Variants in CDH6 observed in about 807,000 individuals in gnomAD.
CDH6 encodes cadherin-6.
CDH6 carries 31 observed loss-of-function variants against 78.0 expected under a neutral mutation model. That is an observed-to-expected ratio of 0.40 (90% confidence interval 0.30 to 0.54). The LOEUF (loss-of-function observed/expected upper bound fraction) is 0.54, where lower values mean the gene tolerates loss of function less well. Ranked by LOEUF, CDH6 falls within the 20% of genes least tolerant of loss-of-function variation. The pLI is 0.56. For missense variants in CDH6, 724 were observed against 975.9 expected, an observed-to-expected ratio of 0.74 and a Z score of 3.44; for synonymous variants, 376 against 368.8, an observed-to-expected ratio of 1.02 and a Z score of -0.23.
rs2149963474 is a variant in CDH6, at chr5:31,325,572, TA to T, written c.*2269del. 4.3e-6 allele frequency: 1 copy of T among 230,948 alleles called. No individual in the cohort carries two copies. Among genetic ancestry groups the T allele is most frequent in the East Asian group, 6.2e-5 (1 of 16,212 alleles). 14.3% of individuals were successfully genotyped at this position (230,948 alleles called of 1,614,324 possible). A position where few individuals can be genotyped will look rare whatever the true frequency, so the allele number is the denominator to read the frequency against. Reference sequence around the variant, plus strand: ...AATTGAATCAAGGAAGATAGTCCTGTAAAAAGAAAGGTATCATCTGAAGTTG... The same window carrying T: ...AATTGAATCAAGGAAGATAGTCCTGTAAAAGAAAGGTATCATCTGAAGTTG... On this transcript the variant is annotated 3_prime_UTR_variant, in exon 12 of 12. Coordinates refer to ENST00000265071, the MANE Select transcript of CDH6 (RefSeq NM_004932.4).
At chr5:31,308,653 T>C (rs946894162) in intron 7 of CDH6, among the ~76,000 whole-genome samples, 1 of 152,258 alleles carries the variant, frequency 6.6e-6, no homozygotes, top group African/African-American at 2.4e-5. Flanking sequence ...TCTATTAATT[T>C]TTAAATGTCC....
intron 1 of CDH6, among the ~76,000 whole-genome samples, chr5:31,194,813 T>C (rs1195989677): frequency 6.6e-6 from 1 of 152,202 alleles, no homozygotes; most frequent in African/African-American, 2.4e-5. Flanking sequence ...TGTTGTGGAC[T>C]GCAGCAGTTG....
At chr5:31,260,271 G>A (rs752728824) in intron 1 of CDH6, among the ~76,000 whole-genome samples, 1 of 152,190 alleles carries the variant, frequency 6.6e-6, no homozygotes, top group African/African-American at 2.4e-5. Flanking sequence ...AAGAAACTGA[G>A]ACACAAATTG....
At chr5:31,199,399 T>G (rs1254334283) in intron 1 of CDH6, among the ~76,000 whole-genome samples, 9 of 149,298 alleles carry the variant, frequency 6.0e-5, no homozygotes, top group African/African-American at 2.2e-4. Context: ...TATGTATATA[T>G]GTACTTTACA....
chr5:31,307,546 A>G (rs1440077315), intron 7 of CDH6, among the ~76,000 whole-genome samples: 1 of 152,216 alleles, frequency 6.6e-6, no homozygotes, highest in Non-Finnish European at 1.5e-5. Context: ...TACATTTAAT[A>G]TTGTTAATAA....
At position 31,328,319 on chromosome 5, in the gene CDH6, A is replaced by T; in HGVS notation, c.*5011A>T. The stretch of plus-strand genomic sequence containing the variant: ...TAATGAGATCTTGGTCTTTCTTGTG[A>T]GGCTACGTTATTTATGTAAATATGT... On this transcript the variant is annotated 3_prime_UTR_variant, in exon 12 of 12. Coordinates refer to ENST00000265071, the MANE Select transcript of CDH6 (RefSeq NM_004932.4). 5.0e-6 allele frequency: 1 copy of T among 198,298 alleles called. No homozygotes were observed. The highest frequency in any genetic ancestry group is 1.0e-5 in the Non-Finnish European group (1 of 96,144). 12.3% of individuals were successfully genotyped at this position (198,298 alleles called of 1,614,324 possible). A position where few individuals can be genotyped will look rare whatever the true frequency, so the allele number is the denominator to read the frequency against.
At chr5:31,228,632 G>A (rs904085138) in intron 1 of CDH6, among the ~76,000 whole-genome samples, 10 of 152,204 alleles carry the variant, frequency 6.6e-5, no homozygotes, top group African/African-American at 2.4e-4. Context: ...GTTTCAGGAT[G>A]AAACTGTCCC....
At chr5:31,287,748 G>A (rs1206137222) in intron 2 of CDH6, among the ~76,000 whole-genome samples, 3 of 152,172 alleles carry the variant, frequency 2.0e-5, no homozygotes, top group African/African-American at 7.2e-5. Context: ...CAGCACTGGT[G>A]GGCATCCCCT....
intron 1 of CDH6, among the ~76,000 whole-genome samples, chr5:31,224,591 C>T (rs754796209): frequency 6.6e-6 from 1 of 152,174 alleles, no homozygotes; most frequent in Non-Finnish European, 1.5e-5. Context: ...CTCACTCTGT[C>T]ATCCAGGCTG....
At chr5:31,266,752 T>A (rs1417474600) in intron 1 of CDH6, among the ~76,000 whole-genome samples, 1 of 152,226 alleles carries the variant, frequency 6.6e-6, no homozygotes, top group Non-Finnish European at 1.5e-5. Flanking sequence ...CACTTTGATA[T>A]GCTAATCTGC....
rs1740346423 is a variant in CDH6 at position 31,201,430 on chromosome 5, A to G, written c.-129+7544A>G. ...ATCCATCTTTGAAATAAAAAAAATCATTGGTCAGTGGTTAGATATGAGAAA... is the reference window on the plus strand; with the variant it reads ...ATCCATCTTTGAAATAAAAAAAATCGTTGGTCAGTGGTTAGATATGAGAAA... On this transcript the variant is annotated intron_variant, in intron 1 of 11. Transcript: ENST00000265071. Among the ~76,000 whole-genome samples the G allele has an allele frequency of 1.3e-5, 2 of 152,182 alleles. 1 individual carries two copies. Among genetic ancestry groups the G allele is most frequent in the South Asian group, 4.1e-4 (2 of 4,828 alleles).
chr5:31,209,112 A>G (rs1278171414), intron 1 of CDH6, among the ~76,000 whole-genome samples: 2 of 152,192 alleles, frequency 1.3e-5, no homozygotes, highest in Non-Finnish European at 2.9e-5. Flanking sequence ...GTATATGGAG[A>G]ATTTTAAACT....
intron 1 of CDH6, among the ~76,000 whole-genome samples, chr5:31,243,916 T>C (rs911251543): frequency 2.6e-5 from 4 of 152,206 alleles, no homozygotes; most frequent in African/African-American, 9.7e-5. Flanking sequence ...TAAATACTAT[T>C]TTTAAAGGAA....
intron 1 of CDH6, among the ~76,000 whole-genome samples, chr5:31,260,185 C>T (rs1742175320): frequency 6.6e-6 from 1 of 152,186 alleles, no homozygotes; most frequent in Admixed American, 6.5e-5. Flanking sequence ...TAAGACCTCA[C>T]ATGAATTCAT....
rs548620365 is a variant in CDH6, at chr5:31,325,562, G to A, written c.*2254G>A. The stretch of plus-strand genomic sequence containing the variant: ...TCACGTAACAAATTGAATCAAGGAA[G>A]ATAGTCCTGTAAAAAGAAAGGTATC... On this transcript the variant is annotated 3_prime_UTR_variant, in exon 12 of 12. Coordinates refer to ENST00000265071, the MANE Select transcript of CDH6 (RefSeq NM_004932.4). 2 of 231,000 alleles carry A rather than the reference G, an allele frequency of 8.7e-6. No homozygotes were observed. Among genetic ancestry groups the A allele is most frequent in the Admixed American group, 1.1e-4 (2 of 17,726 alleles). 14.3% of individuals were successfully genotyped at this position (231,000 alleles called of 1,614,324 possible). A position where few individuals can be genotyped will look rare whatever the true frequency, so the allele number is the denominator to read the frequency against.
At chr5:31,245,897 C>CTTT (rs1741732746) in intron 1 of CDH6, among the ~76,000 whole-genome samples, 1 of 139,332 alleles carries the variant, frequency 7.2e-6, no homozygotes, top group African/African-American at 2.8e-5. Flanking sequence ...CTCTCTCTCT[C>CTTT]TCTTTTTTTT....
chr5:31,317,332 G>A, intron 9 of CDH6, 43 bp from the exon 10 acceptor site: 2 of 927,750 alleles, frequency 2.2e-6, no homozygotes, highest in Non-Finnish European at 3.4e-6. Context: ...AAACACTTTT[G>A]AGTTATCAAA....
chr5:31,241,976 G>A (rs1335856555), intron 1 of CDH6, among the ~76,000 whole-genome samples: 4 of 152,080 alleles, frequency 2.6e-5, no homozygotes, highest in Non-Finnish European at 1.5e-5. Context: ...AGCTACTCTT[G>A]GCCCCTATTG....
At chr5:31,194,408 A>G (rs747430718) in intron 1 of CDH6, among the ~76,000 whole-genome samples, 1 of 152,218 alleles carries the variant, frequency 6.6e-6, no homozygotes, top group Non-Finnish European at 1.5e-5. Flanking sequence ...GGGGTAAAGC[A>G]GAAAATCAGG....
Sources: gnomAD v4.1 joint callset for allele counts (sites outside exome capture counted in the v4.1 genomes callset) on GRCh38, gnomAD v4.1.1 for gene constraint, MANE v1.5 for transcripts, NCBI Gene and HGNC (gene_info 2026-07-23, HGNC 2026-07-21) for gene names.